Variants in TBC1D5 observed in about 807,000 individuals in gnomAD.
TBC1D5 encodes the protein TBC1 domain family, member 5.
Under a neutral mutation model 100.3 loss-of-function variants are expected in TBC1D5, and 75 were observed. The observed-to-expected ratio is 0.75, with a 90% CI of 0.62 to 0.91. TBC1D5 has a LOEUF of 0.91. Ranked by LOEUF, TBC1D5 falls within the 40% of genes least tolerant of loss-of-function variation. TBC1D5 has a pLI of 0.00. For missense variants in TBC1D5, 910 were observed against 942.4 expected, an observed-to-expected ratio of 0.97 and a Z score of 0.45; for synonymous variants, 323 against 325.6, an observed-to-expected ratio of 0.99 and a Z score of 0.09.
intron 21 of TBC1D5, 33 bp downstream of exon 22, chr3:17,166,734 G>C: frequency 6.3e-7 from 1 of 1,583,352 alleles, no homozygotes; most frequent in Non-Finnish European, 8.6e-7. Flanking sequence ...CTCCCTTTGA[G>C]TTAATGTAAC....
intron 2 of TBC1D5, among the ~76,000 whole-genome samples, chr3:17,582,648 T>C (rs1217669108): frequency 6.7e-6 from 1 of 150,272 alleles, no homozygotes; most frequent in Non-Finnish European, 1.5e-5. Context: ...TATTTTATGA[T>C]TTAGGAGCCC....
At chr3:17,558,029 A>C (rs2096533563) in intron 2 of TBC1D5, among the ~76,000 whole-genome samples, 1 of 152,178 alleles carries the variant, frequency 6.6e-6, no homozygotes, top group African/African-American at 2.4e-5. Flanking sequence ...TACAACAACC[A>C]AGTTCTTCTC....
chr3:17,191,915 C>T (rs370515523), intron 18 of TBC1D5, among the ~76,000 whole-genome samples: 1 of 152,082 alleles, frequency 6.6e-6, no homozygotes, highest in Admixed American at 6.6e-5. Flanking sequence ...TGAGTCATCG[C>T]ACCCAACTTA....
chr3:17,346,464 G>T lies in TBC1D5; in HGVS notation c.995+25611C>A, dbSNP rs1353897684. On this transcript the variant is annotated intron_variant, in intron 13 of 21. Coordinates refer to ENST00000253692, the Ensembl canonical transcript of TBC1D5. Reference sequence around the variant, plus strand: ...TTACTAATCCTTTTCCTATTTATTTGTAAGAAATTTTAATATATTAAGGAT... The same window carrying T: ...TTACTAATCCTTTTCCTATTTATTTTTAAGAAATTTTAATATATTAAGGAT... Among the ~76,000 whole-genome samples, 6 of 151,968 alleles carry T rather than the reference G, an allele frequency of 3.9e-5. No homozygotes were observed. In the South Asian group the frequency reaches 1.2e-3, roughly 32 times the overall value.
chr3:17,728,410 A>C (rs1388711022), intron 1 of TBC1D5, among the ~76,000 whole-genome samples: 1 of 152,248 alleles, frequency 6.6e-6, no homozygotes, highest in Non-Finnish European at 1.5e-5. Flanking sequence ...AAATCATGAA[A>C]GTAAACATGT....
chr3:17,290,847 G>A (rs908513071), intron 15 of TBC1D5, among the ~76,000 whole-genome samples: 7 of 152,176 alleles, frequency 4.6e-5, no homozygotes, highest in Non-Finnish European at 1.0e-4. Flanking sequence ...ACTGCTTTGT[G>A]TAAGAGAAAT....
rs553226392 is a variant in TBC1D5, at chr3:17,549,151, T to C, written c.-35-40546A>G. Among the ~76,000 whole-genome samples the C allele has an allele frequency of 1.4e-4, 21 of 151,978 alleles. 1 individual carries two copies. Among genetic ancestry groups the C allele is most frequent in the East Asian group, 1.4e-3 (7 of 5,138 alleles). On this transcript the variant is annotated intron_variant, in intron 2 of 21. Transcript: ENST00000253692. ...TGTCTCTACTAAATACAAAAAAATATATAGCCGAGTGTGGTGGCGCATGCC... is the reference window on the plus strand; with the variant it reads ...TGTCTCTACTAAATACAAAAAAATACATAGCCGAGTGTGGTGGCGCATGCC...
At chr3:17,280,996 GC>G (rs1194332668) in intron 15 of TBC1D5, among the ~76,000 whole-genome samples, 1 of 152,212 alleles carries the variant, frequency 6.6e-6, no homozygotes. Context: ...TCCTGCAAGT[GC>G]TCCCTCCCGC....
intron 13 of TBC1D5, among the ~76,000 whole-genome samples, chr3:17,336,496 T>G (rs1575400670): frequency 6.6e-6 from 1 of 151,996 alleles, no homozygotes; most frequent in Non-Finnish European, 1.5e-5. Context: ...ACGGCTGAGG[T>G]CTCTGCAACT....
intron 16 of TBC1D5, among the ~76,000 whole-genome samples, chr3:17,245,831 A>G (rs1237453866): frequency 6.6e-6 from 1 of 152,228 alleles, no homozygotes; most frequent in African/African-American, 2.4e-5. Context: ...TTGAATTATT[A>G]TTTGAATTAT....
At chr3:17,741,961 G>A (rs994185368), upstream of TBC1D5, among the ~76,000 whole-genome samples, 3 of 152,034 alleles carry the variant, frequency 2.0e-5, no homozygotes, top group African/African-American at 7.3e-5. Context: ...AAGGTTTGAG[G>A]ATTCAGGGCC....
At chr3:17,589,922 A>G (rs1323687072) in intron 2 of TBC1D5, among the ~76,000 whole-genome samples, 4 of 152,206 alleles carry the variant, frequency 2.6e-5, no homozygotes, top group Non-Finnish European at 4.4e-5. Flanking sequence ...AGAAGGAGCC[A>G]TAAGATTTTA....
At chr3:17,249,235 G>A (rs1375770953) in intron 16 of TBC1D5, among the ~76,000 whole-genome samples, 2 of 152,110 alleles carry the variant, frequency 1.3e-5, no homozygotes, top group Non-Finnish European at 2.9e-5. Context: ...CTTTTCCTTT[G>A]CTTTCATGAT....
intron 13 of TBC1D5, among the ~76,000 whole-genome samples, chr3:17,325,036 GA>G (rs892102377): frequency 6.6e-6 from 1 of 151,992 alleles, no homozygotes; most frequent in Non-Finnish European, 1.5e-5. Flanking sequence ...AGAGCAGTTT[GA>G]AAATAATTTT....
chr3:17,170,626 G>T (rs1360541088), intron 19 of TBC1D5, among the ~76,000 whole-genome samples: 2 of 152,156 alleles, frequency 1.3e-5, no homozygotes, highest in Admixed American at 1.3e-4. Context: ...GAGGAACAAG[G>T]ACCAACGGCC....
chr3:17,369,270 T>C (rs1166034609), intron 13 of TBC1D5, among the ~76,000 whole-genome samples: 3 of 152,132 alleles, frequency 2.0e-5, no homozygotes, highest in Admixed American at 6.6e-5. Context: ...GGCTAACTAA[T>C]GATTCACACA....
intron 3 of TBC1D5, among the ~76,000 whole-genome samples, chr3:17,439,928 T>A (rs1048387339): frequency 6.6e-6 from 1 of 152,140 alleles, no homozygotes; most frequent in Non-Finnish European, 1.5e-5. Context: ...AAACTGTAAA[T>A]GGGCCCTAAT....
At chr3:17,186,058 AG>A (rs1442999726) in intron 18 of TBC1D5, among the ~76,000 whole-genome samples, 1 of 151,346 alleles carries the variant, frequency 6.6e-6, no homozygotes, top group Admixed American at 6.6e-5. Flanking sequence ...TAAGAGAAAA[AG>A]AATAATCCTC....
chr3:17,716,296 GAA>G (rs1485915194), intron 1 of TBC1D5, among the ~76,000 whole-genome samples: 1 of 151,964 alleles, frequency 6.6e-6, no homozygotes, highest in African/African-American at 2.4e-5. Flanking sequence ...TTACTAAGAT[GAA>G]GTCTTTACTC....
Sources: gnomAD v4.1 joint callset for allele counts (sites outside exome capture counted in the v4.1 genomes callset) on GRCh38, gnomAD v4.1.1 for gene constraint, MANE v1.5 for transcripts, NCBI Gene and HGNC (gene_info 2026-07-23, HGNC 2026-07-21) for gene names.